The following VWA8 variants were observed in gnomAD, a reference collection of about 807,000 sequenced individuals.
The protein encoded by VWA8 is von Willebrand factor A domain-containing protein 8.
VWA8 carries 221 observed loss-of-function variants against 241.5 expected under a neutral mutation model. That is an observed-to-expected ratio of 0.91 (90% CI 0.82 to 1.02). The LOEUF (loss-of-function observed/expected upper bound fraction) is 1.02, where lower values mean the gene tolerates loss of function less well. Among genes scored for constraint, VWA8 ranks in the 50% least tolerant of loss-of-function variants. The pLI, the probability that VWA8 is intolerant of heterozygous loss-of-function variation, is 0.00. For synonymous variants in VWA8, 852 were observed against 827.1 expected (o/e 1.03, Z -0.52); for missense variants, 2,322 against 2,328.7 (o/e 1.00, Z 0.06).
chr13:41,732,730 T>C (rs1054636339), intron 21 of VWA8, among the ~76,000 whole-genome samples: 2 of 152,166 alleles, frequency 1.3e-5, no homozygotes, highest in Non-Finnish European at 2.9e-5. Flanking sequence ...CCATTATATT[T>C]CTTAAATCTA....
intron 29 of VWA8, 40 bp from the exon 30 acceptor site, chr13:41,693,012 C>CA: frequency 9.2e-7 from 1 of 1,084,290 alleles, no homozygotes; most frequent in Non-Finnish European, 1.3e-6. Flanking sequence ...AAGATTTGTT[C>CA]TTTTTTTTTT....
chr13:41,944,700 A>G (rs1051889214), intron 2 of VWA8, among the ~76,000 whole-genome samples: 4 of 152,228 alleles, frequency 2.6e-5, no homozygotes, highest in Non-Finnish European at 5.9e-5. Flanking sequence ...AAAAGCCTCA[A>G]TCCCAAAAAA....
chr13:41,721,536 G>A lies in VWA8; in HGVS notation c.2798C>T (p.Pro933Leu), dbSNP rs1320601327. Residue 933 changes from proline to leucine, a missense_variant, in exon 25 of 45, where the codon CCC (proline) becomes CTC (leucine). By Grantham distance (98) the Pro-to-Leu change is moderately conservative. Coordinates refer to ENST00000379310, the MANE Select transcript of VWA8 (RefSeq NM_015058.2). ...TCTGAGCATCTCGAGCTCCGAGTGGGGTTTGGGGTTATCAACTGCATGGCA... is the reference window on the plus strand; with the variant it reads ...TCTGAGCATCTCGAGCTCCGAGTGGAGTTTGGGGTTATCAACTGCATGGCA... ...FSCHAVDNPK[P>L]HSELEMLRQY... is the part of the protein sequence containing the mutation. The A allele has an allele frequency of 1.2e-6, 2 of 1,613,546 alleles. No homozygotes were observed. The highest frequency in any genetic ancestry group is 2.7e-5 in the African/African-American group (2 of 74,838).
At chr13:41,940,678 T>A (rs1289756872) in intron 2 of VWA8, among the ~76,000 whole-genome samples, 1 of 152,248 alleles carries the variant, frequency 6.6e-6, no homozygotes, top group Non-Finnish European at 1.5e-5. Flanking sequence ...AATGCATATG[T>A]GGCTAAAGAT....
chr13:41,611,842 TAGTAATTAAACAG>T, intron 38 of VWA8, 110 bp from the exon 39 acceptor site: 2 of 1,220,548 alleles, frequency 1.6e-6, no homozygotes, highest in South Asian at 3.1e-5. Flanking sequence ...TGTACTTAAC[TAGTAATTAAACAG>T]TCAAATTACC....
chr13:41,873,634 G>A (rs1227581835), intron 9 of VWA8, among the ~76,000 whole-genome samples: 1 of 152,182 alleles, frequency 6.6e-6, no homozygotes, highest in Non-Finnish European at 1.5e-5. Flanking sequence ...ACTAAACCAG[G>A]AAGAAGTTGA....
chr13:41,747,149 C>T (rs2045613650), intron 21 of VWA8, among the ~76,000 whole-genome samples: 1 of 152,142 alleles, frequency 6.6e-6, no homozygotes, highest in Non-Finnish European at 1.5e-5. Context: ...TCATTGGTAG[C>T]TTGATGGGGA....
At chr13:41,667,301 A>G (rs2044993072) in intron 37 of VWA8, among the ~76,000 whole-genome samples, 2 of 152,222 alleles carry the variant, frequency 1.3e-5, no homozygotes, top group Admixed American at 1.3e-4. Flanking sequence ...TCTCTTTAAA[A>G]GGGGGAATAG....
intron 2 of VWA8, chr13:41,926,429 G>C (rs1593875346): frequency 1.9e-6 from 1 of 527,940 alleles, no homozygotes; most frequent in East Asian, 5.0e-5. Flanking sequence ...GGGAGCTGTG[G>C]CCAAGCTTTT....
At chr13:41,704,998 A>G (rs996913650) in intron 26 of VWA8, among the ~76,000 whole-genome samples, 1 of 152,242 alleles carries the variant, frequency 6.6e-6, no homozygotes, top group Non-Finnish European at 1.5e-5. Context: ...ATATTTCCAT[A>G]TGCTTAATAA....
At chr13:41,651,165 CA>C (rs11330428) in intron 37 of VWA8, among the ~76,000 whole-genome samples, 6,146 of 144,808 alleles carry the variant, frequency 0.042, 158 homozygotes, top group South Asian at 0.081. Flanking sequence ...ACAAAGCCAA[CA>C]AAAAAAAAAG....
intron 4 of VWA8, among the ~76,000 whole-genome samples, chr13:41,902,630 G>T (rs1875511746): frequency 6.6e-6 from 1 of 152,074 alleles, no homozygotes; most frequent in African/African-American, 2.4e-5. Context: ...TATCAAATGA[G>T]CATTTATGAC....
At chr13:41,694,401 C>T (rs1313590126) in intron 29 of VWA8, among the ~76,000 whole-genome samples, 1 of 151,874 alleles carries the variant, frequency 6.6e-6, no homozygotes, top group South Asian at 2.1e-4. Flanking sequence ...ATAAACATCA[C>T]CCTTAGAATG....
rs970019654 is a variant in VWA8 at position 41,692,758 on chromosome 13, T to C, written c.3675+104A>G. 11 of 784,904 alleles carry C rather than the reference T, an allele frequency of 1.4e-5. No individual in the cohort carries two copies. In the African/African-American group the frequency reaches 1.9e-4, roughly 14 times the overall value. 48.6% of individuals were successfully genotyped at this position (784,904 alleles called of 1,614,324 possible). A position where few individuals can be genotyped will look rare whatever the true frequency, so the allele number is the denominator to read the frequency against. ...CATAACAGGAAATTCTCTTGTGCAT[T>C]ACAACAAAAAAGGCACTTAAAGGGA... is the stretch of plus-strand genomic sequence containing the variant. On this transcript the variant is annotated intron_variant, in intron 30 of 44. Coordinates refer to ENST00000379310, the MANE Select transcript of VWA8 (RefSeq NM_015058.2).
chr13:41,725,599 A>T (rs1361466731), intron 24 of VWA8, among the ~76,000 whole-genome samples: 1 of 152,204 alleles, frequency 6.6e-6, no homozygotes, highest in African/African-American at 2.4e-5. Flanking sequence ...CTAAAGATCA[A>T]TAAGAAGTGA....
chr13:41,906,521 C>T (rs766171455), intron 4 of VWA8, among the ~76,000 whole-genome samples: 5 of 152,050 alleles, frequency 3.3e-5, no homozygotes, highest in Admixed American at 1.3e-4. Flanking sequence ...CCTATCAGTA[C>T]GTACACATTC....
chr13:41,921,031 T>C (rs1267849903), intron 2 of VWA8, among the ~76,000 whole-genome samples: 1 of 151,948 alleles, frequency 6.6e-6, no homozygotes, highest in Admixed American at 6.6e-5. Context: ...GATGCAAAAA[T>C]CCTCAATAAA....
Position 41,816,720 on chromosome 13 carries a change from A to G in VWA8, c.1925T>C (p.Leu642Pro). The G allele has an allele frequency of 6.2e-7, 1 of 1,613,704 alleles. No individual in the cohort carries two copies. Among genetic ancestry groups the G allele is most frequent in the Non-Finnish European group, 8.5e-7 (1 of 1,179,804 alleles). ...TACCGTTGGATCCTGTGTTTCTCTG[A>G]GTTTGTGTGTAAATGATAATAACTT... ...LDKLLSFTHK[L>P]RETQDPTAQS... is the part of the protein sequence containing the mutation. Residue 642 changes from leucine (L) to proline (P), a missense_variant, in exon 16 of 45, where the codon CTC (leucine) becomes CCC (proline). Leu to Pro is a moderately conservative substitution (Grantham distance 98). Transcript: ENST00000379310.
At chr13:41,847,705 G>C (rs1872350882) in intron 12 of VWA8, among the ~76,000 whole-genome samples, 1 of 152,104 alleles carries the variant, frequency 6.6e-6, no homozygotes, top group African/African-American at 2.4e-5. Context: ...GGTTCTAATG[G>C]GTAACCTCGT....
Sources: gnomAD v4.1 joint callset for allele counts (sites outside exome capture counted in the v4.1 genomes callset) on GRCh38, gnomAD v4.1.1 for gene constraint, MANE v1.5 for transcripts, NCBI Gene and HGNC (gene_info 2026-07-23, HGNC 2026-07-21) for gene names.